The following VPS8 variants were observed in gnomAD, a reference collection of about 807,000 sequenced individuals.
The protein encoded by VPS8 is VPS8 subunit of CORVET complex.
Under a neutral mutation model 216.4 loss-of-function variants are expected in VPS8, and 129 were observed. The ratio of observed to expected loss-of-function variants is 0.60; its 90% confidence interval spans 0.52 to 0.69. The LOEUF (loss-of-function observed/expected upper bound fraction) is 0.69. Among genes scored for constraint, VPS8 ranks in the 30% least tolerant of loss-of-function variants. The pLI, the probability that VPS8 is intolerant of heterozygous loss-of-function variation, is 0.00. For synonymous variants in VPS8, 571 were observed against 565.4 expected, an observed-to-expected ratio of 1.01 and a Z score of -0.14; for missense variants, 1,531 against 1,683.5, an observed-to-expected ratio of 0.91 and a Z score of 1.59.
chr3:185,049,021 C>T (rs1577288496), intron 47 of VPS8, among the ~76,000 whole-genome samples: 1 of 152,250 alleles, frequency 6.6e-6, no homozygotes, highest in Non-Finnish European at 1.5e-5. Context: ...GGCACATCCA[C>T]GTACCTCCCT....
At chr3:184,825,900 C>CAA (rs933953308) in intron 2 of VPS8, among the ~76,000 whole-genome samples, 9 of 97,612 alleles carry the variant, frequency 9.2e-5, no homozygotes, top group African/African-American at 1.9e-4. Flanking sequence ...GACTCTGTCT[C>CAA]AAAAAAAAAA....
chr3:184,842,209 A>AAAAG (rs1553828675), intron 7 of VPS8, among the ~76,000 whole-genome samples: 3 of 149,484 alleles, frequency 2.0e-5, no homozygotes, highest in East Asian at 4.0e-4. Context: ...AAAAAAAAAA[A>AAAAG]GAATATGTGA....
rs189759837 is a variant in VPS8 at position 185,044,158 on chromosome 3, C to G, written c.4057-4321C>G. On this transcript the variant is annotated intron_variant, in intron 46 of 47. Coordinates refer to ENST00000625842, the MANE Select transcript of VPS8 (RefSeq NM_001009921.3). ...TGAGCTGATATCGTGCCACTGCACTCCAGCCTGGGCAACAAGAGTGAAACT... is the reference window on the plus strand; with the variant it reads ...TGAGCTGATATCGTGCCACTGCACTGCAGCCTGGGCAACAAGAGTGAAACT... Among the ~76,000 whole-genome samples the G allele has an allele frequency of 1.1e-4, 17 of 152,238 alleles. No individual in the cohort carries two copies. In the East Asian group the frequency reaches 3.1e-3, roughly 28 times the overall value.
chr3:184,953,049 C>T (rs1744983096), intron 36 of VPS8, among the ~76,000 whole-genome samples: 1 of 152,194 alleles, frequency 6.6e-6, no homozygotes, highest in African/African-American at 2.4e-5. Context: ...TCAGACCTGC[C>T]ATCCTGTCAT....
chr3:185,022,176 C>T (rs915490974), intron 45 of VPS8, among the ~76,000 whole-genome samples: 1 of 152,160 alleles, frequency 6.6e-6, no homozygotes, highest in Non-Finnish European at 1.5e-5. Context: ...TGGCACTTCT[C>T]TCTCCTGCTG....
rs1454694117 is a variant in VPS8 at position 184,881,517 on chromosome 3, A to G, written c.1735-4593A>G. Among the ~76,000 whole-genome samples, 7 of 152,112 alleles carry G rather than the reference A, an allele frequency of 4.6e-5. No individual in the cohort carries two copies. In the South Asian group the frequency reaches 8.3e-4, roughly 18 times the overall value. ...TTTTGTTCCATTGATCCGTGTGCCTATCCCACTGCCAGTACCACATAATCT... is the reference window on the plus strand; with the variant it reads ...TTTTGTTCCATTGATCCGTGTGCCTGTCCCACTGCCAGTACCACATAATCT... On this transcript the variant is annotated intron_variant, in intron 21 of 47. Transcript: ENST00000625842.
rs544434895 is a variant in VPS8 at position 184,879,958 on chromosome 3, T to C, written c.1735-6152T>C. Among the ~76,000 whole-genome samples the C allele has an allele frequency of 2.0e-5, 3 of 152,360 alleles. No individual in the cohort carries two copies. In the South Asian group the frequency reaches 6.2e-4, roughly 32 times the overall value. On this transcript the variant is annotated intron_variant, in intron 21 of 47. Transcript: ENST00000625842. The stretch of plus-strand genomic sequence containing the variant: ...ACTCTGTTTTACTTATGGTTTTAAA[T>C]GTTCTAAATTGATAAAGACCTGGCT...
At chr3:185,033,828 G>T (rs1011922254) in intron 46 of VPS8, among the ~76,000 whole-genome samples, 1 of 152,194 alleles carries the variant, frequency 6.6e-6, no homozygotes, top group African/African-American at 2.4e-5. Flanking sequence ...CATTCTAATA[G>T]GTATGTAATG....
chr3:185,009,620 G>T lies in VPS8; in HGVS notation c.4002+9759G>T, dbSNP rs148509258. Among the ~76,000 whole-genome samples, 672 of 152,192 alleles carry T rather than the reference G, an allele frequency of 4.4e-3. 7 individuals carry two copies. Among genetic ancestry groups the T allele is most frequent in the African/African-American group, 0.015 (630 of 41,502 alleles). On this transcript the variant is annotated intron_variant, in intron 45 of 47. Transcript: ENST00000625842. ...CATTTGGAGTTTTTTGCGGGGGGTA[G>T]GGAAGGGGCAAAATATATAAAATAA...
At chr3:184,985,782 C>T (rs762140525) in intron 42 of VPS8, among the ~76,000 whole-genome samples, 38 of 152,142 alleles carry the variant, frequency 2.5e-4, no homozygotes, top group Admixed American at 1.5e-3. Flanking sequence ...ATTTCAGGAA[C>T]GGACAGTTCC....
At chr3:185,049,906 A>G (rs1713807997) in intron 47 of VPS8, among the ~76,000 whole-genome samples, 1 of 152,008 alleles carries the variant, frequency 6.6e-6, no homozygotes, top group African/African-American at 2.4e-5. Flanking sequence ...AAGTTTCTCT[A>G]GGGGTCTCCT....
intron 5 of VPS8, among the ~76,000 whole-genome samples, chr3:184,837,035 C>A (rs575930469): frequency 6.6e-6 from 1 of 152,122 alleles, no homozygotes; most frequent in African/African-American, 2.4e-5. Flanking sequence ...ATAAGAATCT[C>A]CTAGGGTACT....
chr3:184,984,266 C>T (rs1421114995), intron 42 of VPS8, among the ~76,000 whole-genome samples: 2 of 147,368 alleles, frequency 1.4e-5, no homozygotes, highest in Non-Finnish European at 3.0e-5. Context: ...TAGTCTTTGT[C>T]ATTACATGGT....
At chr3:184,836,791 C>T (rs1246499476) in intron 5 of VPS8, among the ~76,000 whole-genome samples, 1 of 152,090 alleles carries the variant, frequency 6.6e-6, no homozygotes, top group East Asian at 1.9e-4. Flanking sequence ...CTGTTTGGGG[C>T]CTTGATCACA....
At chr3:184,832,382 C>A (rs1293838598) in intron 3 of VPS8, among the ~76,000 whole-genome samples, 1 of 152,144 alleles carries the variant, frequency 6.6e-6, no homozygotes, top group African/African-American at 2.4e-5. Flanking sequence ...TAGTTAACTG[C>A]TAAATCATCT....
At chr3:184,843,351 T>G in intron 8 of VPS8, 106 bp downstream of exon 8, 1 of 809,394 alleles carries the variant, frequency 1.2e-6, no homozygotes, top group South Asian at 4.0e-5. Context: ...AAATGCTTAT[T>G]GAAAAAAACC....
At chr3:184,974,299 C>T (rs148594800) in intron 40 of VPS8, among the ~76,000 whole-genome samples, 7 of 152,006 alleles carry the variant, frequency 4.6e-5, no homozygotes, top group South Asian at 2.1e-4. Flanking sequence ...TGATGGTTAC[C>T]GACGTTGGAA....
At chr3:184,832,304 A>ATT in intron 3 of VPS8, among the ~76,000 whole-genome samples, 1 of 150,812 alleles carries the variant, frequency 6.6e-6, no homozygotes, top group East Asian at 1.9e-4. Context: ...TCTGCTTGTC[A>ATT]TTTTTTTTTA....
intron 29 of VPS8, 70 bp from the exon 30 acceptor site, chr3:184,924,792 T>C: frequency 7.1e-7 from 1 of 1,416,520 alleles, no homozygotes; most frequent in South Asian, 1.3e-5. Context: ...TCCCGTCTTC[T>C]AATTGTATTT....
Sources: allele counts gnomAD v4.1 joint callset (sites outside exome capture counted in the v4.1 genomes callset), GRCh38; gene constraint gnomAD v4.1.1; transcripts MANE v1.5; gene names NCBI Gene and HGNC (gene_info 2026-07-23, HGNC 2026-07-21).